CNTNAP2: variants seen among roughly 807,000 people sequenced by gnomAD.
The protein encoded by CNTNAP2 is contactin-associated protein-like 2.
In CNTNAP2, 98 loss-of-function variants were observed where a neutral mutation model predicts 155.2. The ratio of observed to expected loss-of-function variants is 0.63; its 90% confidence interval spans 0.54 to 0.75. CNTNAP2 has a LOEUF of 0.75. Ranked by LOEUF, CNTNAP2 falls within the 30% of genes least tolerant of loss-of-function variation. CNTNAP2 has a pLI of 0.00. For synonymous variants in CNTNAP2, 651 were observed against 631.2 expected, an observed-to-expected ratio of 1.03 and a Z score of -0.47; for missense variants, 1,727 against 1,688.1, an observed-to-expected ratio of 1.02 and a Z score of -0.40.
chr7:148,239,360 T>C (rs951530696), intron 20 of CNTNAP2, among the ~76,000 whole-genome samples: 1 of 152,228 alleles, frequency 6.6e-6, no homozygotes, highest in Non-Finnish European at 1.5e-5. Context: ...TCTGATAGTA[T>C]TACAATGGTT....
At chr7:146,921,571 A>G (rs540356074) in intron 3 of CNTNAP2, among the ~76,000 whole-genome samples, 1 of 152,302 alleles carries the variant, frequency 6.6e-6, no homozygotes, top group African/African-American at 2.4e-5. Flanking sequence ...AAGGAGGAGC[A>G]GAGTCACGTT....
rs559724771 is a variant in CNTNAP2, at chr7:146,930,331, C to T, written c.402+90427C>T. Among the ~76,000 whole-genome samples the T allele has an allele frequency of 2.0e-5, 3 of 152,014 alleles. No individual in the cohort carries two copies. In the East Asian group the frequency reaches 5.8e-4, roughly 29 times the overall value. On this transcript the variant is annotated intron_variant, in intron 3 of 23. Coordinates refer to ENST00000361727, the MANE Select transcript of CNTNAP2 (RefSeq NM_014141.6). ...TTTCAACCCAGAATTTCATATCCAG[C>T]CAAACTAAGATTCATAAGTGAAGGA...
At chr7:147,231,424 A>G (rs1241110723) in intron 8 of CNTNAP2, among the ~76,000 whole-genome samples, 2 of 152,126 alleles carry the variant, frequency 1.3e-5, no homozygotes, top group African/African-American at 2.4e-5. Context: ...TTGACATACT[A>G]TTTTATTTCC....
At chr7:147,747,810 A>G (rs1169142769) in intron 13 of CNTNAP2, among the ~76,000 whole-genome samples, 1 of 152,230 alleles carries the variant, frequency 6.6e-6, no homozygotes, top group Non-Finnish European at 1.5e-5. Context: ...TTACAATATT[A>G]TGACCCTTTT....
At chr7:148,286,780 T>C (rs1387845177) in intron 21 of CNTNAP2, among the ~76,000 whole-genome samples, 1 of 152,224 alleles carries the variant, frequency 6.6e-6, no homozygotes, top group African/African-American at 2.4e-5. Context: ...GCCTTTTCAA[T>C]TGACTGTAAT....
Position 147,337,458 on chromosome 7 carries a change from A to G in CNTNAP2, c.1498+37168A>G, listed in dbSNP as rs541493774. ...CAATGTTGCATTTCCAATGTATTCT[A>G]CAGTTACTCTGAGAACTACAAGTGA... On this transcript the variant is annotated intron_variant, in intron 9 of 23. Coordinates refer to ENST00000361727, the MANE Select transcript of CNTNAP2 (RefSeq NM_014141.6). Among the ~76,000 whole-genome samples the G allele has an allele frequency of 7.9e-5, 12 of 152,228 alleles. No homozygotes were observed. In the South Asian group the frequency reaches 2.5e-3, roughly 32 times the overall value.
chr7:146,613,242 G>C (rs1799169149), intron 1 of CNTNAP2, among the ~76,000 whole-genome samples: 1 of 152,096 alleles, frequency 6.6e-6, no homozygotes, highest in African/African-American at 2.4e-5. Flanking sequence ...TATGAACACA[G>C]GTCATCATTG....
intron 1 of CNTNAP2, among the ~76,000 whole-genome samples, chr7:146,585,734 G>T (rs1308157995): frequency 7.6e-6 from 1 of 130,770 alleles, no homozygotes; most frequent in Non-Finnish European, 1.6e-5. Context: ...AAAGAAGAAA[G>T]AAAGAAAAAG....
intron 1 of CNTNAP2, among the ~76,000 whole-genome samples, chr7:146,213,726 G>C (rs1481060721): frequency 6.6e-6 from 1 of 152,124 alleles, no homozygotes; most frequent in Non-Finnish European, 1.5e-5. Flanking sequence ...ATAAATATTA[G>C]CAATAAGGAT....
intron 11 of CNTNAP2, among the ~76,000 whole-genome samples, chr7:147,496,240 T>C (rs1057000223): frequency 6.6e-6 from 1 of 152,168 alleles, no homozygotes; most frequent in Non-Finnish European, 1.5e-5. Flanking sequence ...TCCTGATCCA[T>C]GGAAAAACTG....
At chr7:147,218,756 G>T (rs1037871241) in intron 8 of CNTNAP2, among the ~76,000 whole-genome samples, 5 of 152,078 alleles carry the variant, frequency 3.3e-5, no homozygotes, top group Admixed American at 6.6e-5. Context: ...TCATGATATT[G>T]CTAAGTTCAA....
intron 21 of CNTNAP2, among the ~76,000 whole-genome samples, chr7:148,360,236 C>T (rs1233016586): frequency 1.3e-5 from 2 of 152,100 alleles, no homozygotes; most frequent in South Asian, 2.1e-4. Flanking sequence ...TATTCTGCAA[C>T]TAAAATTAAA....
intron 1 of CNTNAP2, among the ~76,000 whole-genome samples, chr7:146,732,009 A>G (rs1279708355): frequency 6.6e-6 from 1 of 152,114 alleles, no homozygotes; most frequent in Non-Finnish European, 1.5e-5. Context: ...CAAATTACAC[A>G]ATTATTCCCA....
chr7:148,118,901 C>G (rs1482908125), intron 16 of CNTNAP2, among the ~76,000 whole-genome samples: 3 of 152,204 alleles, frequency 2.0e-5, no homozygotes, highest in Non-Finnish European at 2.9e-5. Flanking sequence ...CTCAGCTCAG[C>G]TGGCCTTGGA....
At chr7:147,858,662 A>G (rs959031431) in intron 13 of CNTNAP2, among the ~76,000 whole-genome samples, 1 of 152,168 alleles carries the variant, frequency 6.6e-6, no homozygotes, top group Non-Finnish European at 1.5e-5. Flanking sequence ...CCCTAATTCA[A>G]TGACTGGTAT....
At chr7:146,515,779 C>T (rs1797532347) in intron 1 of CNTNAP2, among the ~76,000 whole-genome samples, 1 of 151,964 alleles carries the variant, frequency 6.6e-6, no homozygotes, top group African/African-American at 2.4e-5. Flanking sequence ...TGAGCTGATT[C>T]CCTCCAAATC....
chr7:146,471,583 G>T (rs1458978945), intron 1 of CNTNAP2, among the ~76,000 whole-genome samples: 1 of 152,218 alleles, frequency 6.6e-6, no homozygotes, highest in Non-Finnish European at 1.5e-5. Context: ...CCAGCATAAT[G>T]AATGCCTCAC....
chr7:146,333,894 AG>A (rs1296630727), intron 1 of CNTNAP2, among the ~76,000 whole-genome samples: 2 of 152,222 alleles, frequency 1.3e-5, no homozygotes, highest in Non-Finnish European at 2.9e-5. Context: ...AAAGTTTTCA[AG>A]GGTCAGTCCT....
At chr7:147,284,433 A>G (rs1805130693) in intron 8 of CNTNAP2, among the ~76,000 whole-genome samples, 5 of 151,886 alleles carry the variant, frequency 3.3e-5, no homozygotes, top group Admixed American at 3.3e-4. Context: ...GTAGCATGTA[A>G]TGAATATCAC....
Sources: allele counts gnomAD v4.1 joint callset (sites outside exome capture counted in the v4.1 genomes callset), GRCh38; gene constraint gnomAD v4.1.1; transcripts MANE v1.5; gene names NCBI Gene and HGNC (gene_info 2026-07-23, HGNC 2026-07-21).